Variants in HIPK2 observed in about 807,000 individuals in gnomAD.
HIPK2 encodes homeodomain interacting protein kinase 2.
HIPK2 carries 27 observed loss-of-function variants against 113.7 expected under a neutral mutation model. The observed-to-expected ratio is 0.24, with a 90% CI of 0.17 to 0.33. The LOEUF (loss-of-function observed/expected upper bound fraction) is 0.33. HIPK2 is among the 10% of genes least tolerant of loss of function. HIPK2 has a pLI of 1.00. For synonymous variants in HIPK2, 631 were observed against 642.2 expected (o/e 0.98, Z 0.26); for missense variants, 1,257 against 1,588.0 (o/e 0.79, Z 3.54).
rs1335654723 is a variant in HIPK2 at position 139,716,540 on chromosome 7, A to G, written c.495T>C (p.Thr165=). The G allele has an allele frequency of 1.2e-6, 2 of 1,614,004 alleles. No individual in the cohort carries two copies. Among genetic ancestry groups the G allele is most frequent in the Admixed American group, 3.3e-5 (2 of 60,018 alleles). Residue 165 remains threonine, a synonymous_variant, in exon 2 of 15, where the codon ACT becomes ACC. Transcript: ENST00000406875. This position sits in a 1 kb window ranked among gnomAD's most constrained non-coding sequence, Gnocchi z 9.3. ...TGGAGGTGGCAGTAGACGTGGTGGC[A>G]GTGGCGACAGTGGCCCCGCTTGCAT... ...QNNASGATVA[T]ATTSTATSKN... is the part of the protein sequence containing the mutation.
intron 1 of HIPK2, 112 bp downstream of exon 1, chr7:139,777,493 G>A (rs1441521790): frequency 2.3e-5 from 7 of 300,306 alleles, no homozygotes; most frequent in East Asian, 1.6e-4. Context: ...GGCCCCGGGT[G>A]GGGGCTGGGG....
chr7:139,710,593 G>T (rs1795032655), intron 2 of HIPK2, among the ~76,000 whole-genome samples: 1 of 152,192 alleles, frequency 6.6e-6, no homozygotes, highest in South Asian at 2.1e-4. Context: ...CAAGATTAGG[G>T]ATCATGCCTT....
At chr7:139,660,604 T>G (rs2116548171) in intron 2 of HIPK2, among the ~76,000 whole-genome samples, 1 of 152,314 alleles carries the variant, frequency 6.6e-6, no homozygotes, top group Admixed American at 6.5e-5. Flanking sequence ...ATTTGTGGGT[T>G]GGACCTTACT....
rs549830121 is a variant in HIPK2 at position 139,690,357 on chromosome 7, T to C, written c.1103+25575A>G. Among the ~76,000 whole-genome samples, 494 of 152,190 alleles carry C rather than the reference T, an allele frequency of 3.2e-3. 4 individuals carry two copies. Among genetic ancestry groups the C allele is most frequent in the African/African-American group, 0.01 (420 of 41,492 alleles). On this transcript the variant is annotated intron_variant, in intron 2 of 14. Transcript: ENST00000406875. Reference sequence around the variant, plus strand: ...CTGTGGACAGATGCTGGCTTCCCTATGCTACAGTTTTGATGTTTGTCCCCC... The same window carrying C: ...CTGTGGACAGATGCTGGCTTCCCTACGCTACAGTTTTGATGTTTGTCCCCC...
chr7:139,638,238 C>T (rs1416088086), intron 2 of HIPK2, among the ~76,000 whole-genome samples: 1 of 152,164 alleles, frequency 6.6e-6, no homozygotes, highest in Non-Finnish European at 1.5e-5. Context: ...TGGTTTTAAC[C>T]TTTTCCAATC....
At chr7:139,661,645 T>C (rs756530018) in intron 2 of HIPK2, among the ~76,000 whole-genome samples, 11 of 152,188 alleles carry the variant, frequency 7.2e-5, no homozygotes, top group Non-Finnish European at 1.5e-4. Flanking sequence ...AGAGTAAGAA[T>C]TGTCTTGCAT....
intron 10 of HIPK2, among the ~76,000 whole-genome samples, chr7:139,602,626 A>G (rs1301288825): frequency 7.2e-6 from 1 of 139,662 alleles, no homozygotes; most frequent in Middle Eastern, 3.5e-3. Context: ...GGGGCGAGGG[A>G]AAAAAAAAAA....
Position 139,777,879 on chromosome 7 carries a change from C to G in HIPK2, c.-256G>C, listed in dbSNP as rs1202363023. On this transcript the variant is annotated 5_prime_UTR_variant, in exon 1 of 15. Transcript: ENST00000406875. The stretch of plus-strand genomic sequence containing the variant: ...GCTCGGGGCTCGGGGCTCGGGGCGG[C>G]CGGGCGGGCGGAGCGGCCGAGGCCG... The G allele has an allele frequency of 7.0e-6, 1 of 142,838 alleles. No homozygotes were observed. Among genetic ancestry groups the G allele is most frequent in the Non-Finnish European group, 1.5e-5 (1 of 65,326 alleles). 8.8% of individuals were successfully genotyped at this position (142,838 alleles called of 1,614,324 possible). A position where few individuals can be genotyped will look rare whatever the true frequency, so the allele number is the denominator to read the frequency against.
At chr7:139,723,034 C>A (rs1795461479) in intron 1 of HIPK2, among the ~76,000 whole-genome samples, 1 of 151,644 alleles carries the variant, frequency 6.6e-6, no homozygotes, top group Non-Finnish European at 1.5e-5. Flanking sequence ...CGGCTTCAAA[C>A]CTATGTAATT....
intron 2 of HIPK2, among the ~76,000 whole-genome samples, chr7:139,652,597 T>C (rs910315501): frequency 2.6e-5 from 4 of 152,302 alleles, no homozygotes; most frequent in South Asian, 2.1e-4. Flanking sequence ...TAAACATGTA[T>C]TGAGCATCCA....
intron 2 of HIPK2, among the ~76,000 whole-genome samples, chr7:139,701,738 AATT>A (rs1489582132): frequency 2.0e-5 from 3 of 152,194 alleles, no homozygotes; most frequent in African/African-American, 7.2e-5. Flanking sequence ...ACTAAACGCA[AATT>A]ATTTAGAGGA....
chr7:139,606,286 T>A (rs1365442969), intron 9 of HIPK2, among the ~76,000 whole-genome samples: 3 of 152,218 alleles, frequency 2.0e-5, no homozygotes, highest in Non-Finnish European at 4.4e-5. Flanking sequence ...GACTTCTTAA[T>A]ACCAGTTCTG....
chr7:139,621,090 TC>T (rs1199091387), intron 6 of HIPK2, among the ~76,000 whole-genome samples: 1 of 152,158 alleles, frequency 6.6e-6, no homozygotes, highest in Non-Finnish European at 1.5e-5. Context: ...CCACACTTTC[TC>T]CCACAGGGGT....
chr7:139,594,341 T>C (rs1405638935), intron 12 of HIPK2, among the ~76,000 whole-genome samples: 1 of 152,252 alleles, frequency 6.6e-6, no homozygotes, highest in Non-Finnish European at 1.5e-5. Flanking sequence ...ACCTTATTTA[T>C]GTAACACCTG....
At chr7:139,712,491 G>T (rs762872143) in intron 2 of HIPK2, among the ~76,000 whole-genome samples, 10 of 152,178 alleles carry the variant, frequency 6.6e-5, no homozygotes, top group Non-Finnish European at 7.3e-5. Flanking sequence ...CAGATACAGG[G>T]GGCCGAGGGG....
chr7:139,664,934 C>T (rs1365650841), intron 2 of HIPK2, among the ~76,000 whole-genome samples: 1 of 152,194 alleles, frequency 6.6e-6, no homozygotes, highest in African/African-American at 2.4e-5. Context: ...AGACTCCTTC[C>T]TCTGACCTTA....
intron 1 of HIPK2, among the ~76,000 whole-genome samples, chr7:139,733,838 C>T (rs79196860): frequency 0.014 from 2,077 of 152,248 alleles, 48 homozygotes; most frequent in African/African-American, 0.046. Context: ...AAAGCCTTTC[C>T]GGCCAGTGTG....
chr7:139,604,248 T>C (rs775485024), intron 9 of HIPK2, 25 bp from the exon 10 acceptor site: 8 of 1,583,232 alleles, frequency 5.1e-6, no homozygotes, highest in Middle Eastern at 1.7e-4. Context: ...ACATGTGCAA[T>C]GACCATGTTT....
chr7:139,735,981 A>G (rs1335562003), intron 1 of HIPK2, among the ~76,000 whole-genome samples: 1 of 152,226 alleles, frequency 6.6e-6, no homozygotes, highest in African/African-American at 2.4e-5. Context: ...TCTGCATTGC[A>G]GTGAGTGACA....
Sources: gnomAD v4.1 joint callset for allele counts (sites outside exome capture counted in the v4.1 genomes callset) on GRCh38, gnomAD v4.1.1 for gene constraint, Gnocchi (gnomAD v3.1) non-coding constraint, MANE v1.5 for transcripts, NCBI Gene and HGNC (gene_info 2026-07-23, HGNC 2026-07-21) for gene names.